The following LRRC9 variants were observed in gnomAD, a reference collection of about 807,000 sequenced individuals.
LRRC9 encodes the protein leucine rich repeat containing 9.
Under a neutral mutation model 63.2 loss-of-function variants are expected in LRRC9, and 122 were observed. The observed-to-expected ratio is 1.93, with a 90% CI of 1.67 to 2.24. The LOEUF (loss-of-function observed/expected upper bound fraction) is 2.24. LRRC9 is among the 30% of genes most tolerant of loss of function. LRRC9 has a pLI of 0.00. For synonymous variants in LRRC9, 366 were observed against 213.1 expected (o/e 1.72, Z -6.25); for missense variants, 1,071 against 627.7 (o/e 1.71, Z -7.55).
At chr14:60,034,357 ATTGT>A (rs1181814430) in intron 29 of LRRC9, among the ~76,000 whole-genome samples, 1 of 151,918 alleles carries the variant, frequency 6.6e-6, no homozygotes, top group Non-Finnish European at 1.5e-5. Context: ...ACTTTCATGA[ATTGT>A]TTTTCATTTA....
At chr14:60,035,308 A>G (rs984019941) in intron 29 of LRRC9, among the ~76,000 whole-genome samples, 1 of 152,018 alleles carries the variant, frequency 6.6e-6, no homozygotes, top group Non-Finnish European at 1.5e-5. Flanking sequence ...TTGTAGCTTT[A>G]CTTTGTTGAT....
chr14:60,039,336 T>C (rs1260610946), intron 29 of LRRC9, among the ~76,000 whole-genome samples: 1 of 152,222 alleles, frequency 6.6e-6, no homozygotes, highest in African/African-American at 2.4e-5. Flanking sequence ...TCAGAAGGAA[T>C]GGTACCAGCT....
Position 59,975,153 on chromosome 14 carries a change from ATATATATATATGTATATATATATAC to A in LRRC9, c.1639+446_1639+470del, listed in dbSNP as rs1886116765. On this transcript the variant is annotated intron_variant, in intron 13 of 31. Transcript: ENST00000445360. ...TATATATATATACATATATATATGT[ATATATATATATGTATATATATATAC>A]ACTACACACACGAACACCAAATTCA... 3.0e-4 allele frequency among the ~76,000 whole-genome samples: 10 copies of A among 33,008 alleles called. No individual in the cohort carries two copies. In the South Asian group the frequency reaches 7.3e-3, roughly 24 times the overall value. 21.7% of individuals were successfully genotyped at this position (33,008 alleles called of 152,430 possible).
At chr14:60,034,236 C>CT (rs917081610) in intron 29 of LRRC9, among the ~76,000 whole-genome samples, 1 of 151,818 alleles carries the variant, frequency 6.6e-6, no homozygotes, top group Non-Finnish European at 1.5e-5. Flanking sequence ...CCAGCATGGT[C>CT]TTAATCTCCT....
In LRRC9 at chr14:59,936,067, A is replaced by C. The variant is rs112122557; in HGVS notation, c.544-2323A>C. 1.4e-4 allele frequency among the ~76,000 whole-genome samples: 22 copies of C among 152,270 alleles called. 1 individual carries two copies. The highest frequency in any genetic ancestry group is 5.1e-4 in the African/African-American group (21 of 41,562). ...GGCAGCATAATACGGTGGAACATGAAGTTTTGGTGAAATAACAATGTAAAG... is the reference window on the plus strand; with the variant it reads ...GGCAGCATAATACGGTGGAACATGACGTTTTGGTGAAATAACAATGTAAAG... On this transcript the variant is annotated intron_variant, in intron 6 of 31. Transcript: ENST00000445360. This position sits in a 1 kb window ranked among gnomAD's most constrained non-coding sequence, Gnocchi z 4.2.
intron 12 of LRRC9, among the ~76,000 whole-genome samples, chr14:59,972,199 T>C (rs1885588381): frequency 6.6e-6 from 1 of 152,144 alleles, no homozygotes; most frequent in African/African-American, 2.4e-5. Context: ...GACTTACTGA[T>C]CCTTTAAGTC....
At chr14:59,926,476 TC>T (rs1364302434) in intron 1 of LRRC9, among the ~76,000 whole-genome samples, 8 of 152,216 alleles carry the variant, frequency 5.3e-5, no homozygotes, top group Admixed American at 5.2e-4. Flanking sequence ...AAGTAGAATT[TC>T]ATTGAAGTAT....
intron 23 of LRRC9, among the ~76,000 whole-genome samples, chr14:60,015,861 G>T (rs1355398027): frequency 6.6e-6 from 1 of 152,132 alleles, no homozygotes; most frequent in Non-Finnish European, 1.5e-5. Context: ...GAGCACTGGT[G>T]AAAGTCTAAG....
intron 24 of LRRC9, 151 bp from the exon 25 acceptor site, chr14:60,018,220 C>G (rs1011246455): frequency 1.7e-6 from 1 of 572,762 alleles, no homozygotes; most frequent in African/African-American, 1.9e-5. Flanking sequence ...GATCATTTAA[C>G]CAATTCATTT....
rs201295849 is a variant in LRRC9, at chr14:59,996,230, G to GT, written c.2212-1420dup. ...TTTTTCTAAAGTTATGGCCTTAATA[G>GT]TTTTTTACTGCCAAATATCCTTTCG... On this transcript the variant is annotated intron_variant, in intron 17 of 31. Transcript: ENST00000445360. 3.7e-3 allele frequency among the ~76,000 whole-genome samples: 557 copies of GT among 152,008 alleles called. 6 individuals are homozygous for GT. Among genetic ancestry groups the GT allele is most frequent in the African/African-American group, 0.013 (533 of 41,456 alleles).
In LRRC9 at chr14:59,936,613, G is replaced by C. The variant is rs1303093289; in HGVS notation, c.544-1777G>C. On this transcript the variant is annotated intron_variant, in intron 6 of 31. Coordinates refer to ENST00000445360, the Ensembl canonical transcript of LRRC9. The surrounding 1 kb of genome is among the most constrained non-coding windows in gnomAD (Gnocchi z 4.2). ...CAGACTAATGGTCAAATGAAACATA[G>C]CAACCCAGTAATCAAGTGGTTTACC... 6.6e-6 allele frequency among the ~76,000 whole-genome samples: 1 copy of C among 152,138 alleles called. No individual in the cohort carries two copies. The highest frequency in any genetic ancestry group is 2.4e-5 in the African/African-American group (1 of 41,414).
chr14:59,975,282 T>C (rs948744556), intron 13 of LRRC9, among the ~76,000 whole-genome samples: 2 of 150,494 alleles, frequency 1.3e-5, no homozygotes, highest in African/African-American at 4.9e-5. Context: ...AGATAGGCCT[T>C]ATTTGTCCTG....
exon 20 of LRRC9, chr14:60,002,027 C>G (rs1889419737): frequency 2.8e-6 from 2 of 702,186 alleles, no homozygotes; most frequent in Non-Finnish European, 5.2e-6. Context: ...AGTATATGGC[C>G]TTCTGCCAAA....
Position 60,034,990 on chromosome 14 carries a change from C to T in LRRC9, c.3990+2927C>T, listed in dbSNP as rs146803489. 5.0e-3 allele frequency among the ~76,000 whole-genome samples: 763 copies of T among 152,232 alleles called. 14 individuals are homozygous for T. Among genetic ancestry groups the T allele is most frequent in the African/African-American group, 0.017 (722 of 41,540 alleles). The stretch of plus-strand genomic sequence containing the variant: ...ACACAGGTTCCCCTTTCTCCACATC[C>T]TTACCAGCATCTGTTATTGCCTGTA... On this transcript the variant is annotated intron_variant, in intron 29 of 31. Transcript: ENST00000445360.
intron 20 of LRRC9, among the ~76,000 whole-genome samples, chr14:60,002,887 A>AT (rs1889503460): frequency 6.6e-6 from 1 of 152,206 alleles, no homozygotes; most frequent in Admixed American, 6.5e-5. Flanking sequence ...AGAGCCAGAG[A>AT]TCAAGCCAAA....
At chr14:60,047,594 GCTAA>G (rs1318527105) in intron 29 of LRRC9, among the ~76,000 whole-genome samples, 1 of 152,122 alleles carries the variant, frequency 6.6e-6, no homozygotes, top group Non-Finnish European at 1.5e-5. Flanking sequence ...TTCAACAAGA[GCTAA>G]CTATCCTAAA....
Position 59,966,680 on chromosome 14 carries a change from A to G in LRRC9, c.1303A>G (p.Ile435Val). The G allele has an allele frequency of 1.4e-6, 1 of 697,956 alleles. No homozygotes were observed. Among genetic ancestry groups the G allele is most frequent in the Non-Finnish European group, 2.6e-6 (1 of 382,906 alleles). The allele number at this position is 697,956 out of a possible 1,614,324, so 43.2% of individuals were successfully genotyped here. The change falls in exon 11 of 32, where the codon ATT (isoleucine) becomes GTT (valine). Residue 435 changes from isoleucine to valine, a missense_variant. Ile to Val is a conservative substitution (Grantham distance 29). Transcript: ENST00000445360. This position sits in a 1 kb window ranked among gnomAD's most constrained non-coding sequence, Gnocchi z 4.0. The stretch of plus-strand genomic sequence containing the variant: ...TACAGGAGTAAAAGTAAAACGCATC[A>G]TTAAAGTTAACAACCGTATTCTGAG...
chr14:59,972,637 T>C lies in LRRC9; in HGVS notation c.1507-1939T>C, dbSNP rs1005688206. Among the ~76,000 whole-genome samples the C allele has an allele frequency of 1.1e-4, 17 of 152,206 alleles. 1 individual carries two copies. Among genetic ancestry groups the C allele is most frequent in the Admixed American group, 6.5e-4 (10 of 15,276 alleles). ...AGAAGTTCTTAATGATTATCTTCTA[T>C]TGAATTTTACTAAATTTTCCAAAAT... On this transcript the variant is annotated intron_variant, in intron 12 of 31. Coordinates refer to ENST00000445360, the Ensembl canonical transcript of LRRC9.
intron 5 of LRRC9, 94 bp downstream of exon 5, chr14:59,931,776 T>G: frequency 3.2e-6 from 2 of 620,890 alleles, no homozygotes; most frequent in Non-Finnish European, 5.7e-6. Flanking sequence ...CTTTTAGGCT[T>G]TTTTCTGTGA....
Sources: gnomAD v4.1 joint callset for allele counts (sites outside exome capture counted in the v4.1 genomes callset) on GRCh38, gnomAD v4.1.1 for gene constraint, Gnocchi (gnomAD v3.1) non-coding constraint, MANE v1.5 for transcripts, NCBI Gene and HGNC (gene_info 2026-07-23, HGNC 2026-07-21) for gene names.